Variants in EBF4 observed in about 807,000 individuals in gnomAD.
EBF4 encodes the protein transcription factor COE4.
EBF4 carries 34 observed loss-of-function variants against 67.1 expected under a neutral mutation model. That is an observed-to-expected ratio of 0.51 (90% CI 0.39 to 0.67). EBF4 has a LOEUF of 0.67. Among genes scored for constraint, EBF4 ranks in the 30% least tolerant of loss-of-function variants. EBF4 has a pLI of 0.00. For synonymous variants in EBF4, 387 were observed against 377.7 expected, an observed-to-expected ratio of 1.02 and a Z score of -0.29; for missense variants, 837 against 873.3, an observed-to-expected ratio of 0.96 and a Z score of 0.52.
At chr20:2,693,002 GCT>G (rs1568561946), upstream of EBF4, 7 of 378 alleles carry the variant, frequency 0.019, no homozygotes, top group African/African-American at 0.25. This position sits in a 1 kb window ranked among gnomAD's most constrained non-coding sequence, Gnocchi z 4.6. Context: ...CACGCGGGGC[GCT>G]GGCGCTGGCG....
Position 2,747,865 on chromosome 20 carries a change from G to A in EBF4, c.558-684G>A, listed in dbSNP as rs2146493188. 6.6e-6 allele frequency among the ~76,000 whole-genome samples: 1 copy of A among 152,330 alleles called. No homozygotes were observed. The highest frequency in any genetic ancestry group is 2.4e-5 in the African/African-American group (1 of 41,566). ...TCTGTGTCTGCTTAGTATGCCATATGTGTGGGATGAGTGCAGGCTATATGT... is the reference window on the plus strand; with the variant it reads ...TCTGTGTCTGCTTAGTATGCCATATATGTGGGATGAGTGCAGGCTATATGT... On this transcript the variant is annotated intron_variant, in intron 6 of 16. Transcript: ENST00000609451. The surrounding 1 kb of genome is among the most constrained non-coding windows in gnomAD (Gnocchi z 4.6).
intron 6 of EBF4, among the ~76,000 whole-genome samples, chr20:2,713,960 ATC>A (rs2087575555): frequency 6.6e-6 from 1 of 152,200 alleles, no homozygotes; most frequent in Admixed American, 6.5e-5. Flanking sequence ...TGGAATAATT[ATC>A]TGTCTATACT....
intron 6 of EBF4, among the ~76,000 whole-genome samples, chr20:2,715,295 T>C (rs887878039): frequency 2.6e-5 from 4 of 152,246 alleles, no homozygotes; most frequent in African/African-American, 9.6e-5. Context: ...AGCAACCTTC[T>C]GCAATGCTCT....
intron 15 of EBF4, among the ~76,000 whole-genome samples, chr20:2,757,499 A>T (rs2088263275): frequency 6.6e-6 from 1 of 152,164 alleles, no homozygotes; most frequent in Non-Finnish European, 1.5e-5. Context: ...ACCCATCCAG[A>T]GGGTAGCCCA....
chr20:2,751,547 G>C lies in EBF4; in HGVS notation c.1019-153G>C. On this transcript the variant is annotated intron_variant, in intron 10 of 16. Transcript: ENST00000609451. The surrounding 1 kb of genome is among the most constrained non-coding windows in gnomAD (Gnocchi z 5.2). ...CTGAATCTCGCTGCCGGGGGTGCCT[G>C]GAGTTTTCCGGGGGACTTGGGCTGG... 8 of 698,958 alleles carry C rather than the reference G, an allele frequency of 1.1e-5. No homozygotes were observed. The South Asian group carries it at 1.5e-4, about 13-fold the overall frequency. 43.3% of individuals were successfully genotyped at this position (698,958 alleles called of 1,614,324 possible). A position where few individuals can be genotyped will look rare whatever the true frequency, so the allele number is the denominator to read the frequency against.
chr20:2,695,199 A>G (rs1244509901), intron 1 of EBF4, among the ~76,000 whole-genome samples: 1 of 151,434 alleles, frequency 6.6e-6, no homozygotes, highest in Non-Finnish European at 1.5e-5. Context: ...CTGTGTGGCG[A>G]GAGCTCTTTG....
chr20:2,758,566 T>C (rs1016938454), intron 15 of EBF4, among the ~76,000 whole-genome samples: 8 of 152,180 alleles, frequency 5.3e-5, no homozygotes, highest in African/African-American at 9.7e-5. Context: ...TGTCAGTCAG[T>C]ATTCCTGGAG....
intron 16 of EBF4, 96 bp downstream of exon 16, chr20:2,759,080 C>G: frequency 1.7e-6 from 2 of 1,187,780 alleles, no homozygotes; most frequent in Non-Finnish European, 2.4e-6. Context: ...AGCCTCCCCG[C>G]TAGCAGCCCC....
intron 6 of EBF4, among the ~76,000 whole-genome samples, chr20:2,730,047 G>A (rs1488422553): frequency 6.6e-6 from 1 of 152,212 alleles, no homozygotes; most frequent in Non-Finnish European, 1.5e-5. Flanking sequence ...TATGGTGAGG[G>A]AATAACCACC....
At position 2,707,730 on chromosome 20, in the gene EBF4, C is replaced by CAGACTTCAT. The variant is rs1349851734; in HGVS notation, c.415-215_415-207dup. ...GCCACCTACAGACAGACAGAATCTG[C>CAGACTTCAT]AGACTTCATACCATTCTTGCCAGCC... is the stretch of plus-strand genomic sequence containing the variant. On this transcript the variant is annotated intron_variant, in intron 4 of 16. Coordinates refer to ENST00000609451, the Ensembl canonical transcript of EBF4. This position sits in a 1 kb window ranked among gnomAD's most constrained non-coding sequence, Gnocchi z 4.6. 6.6e-6 allele frequency among the ~76,000 whole-genome samples: 1 copy of CAGACTTCAT among 152,174 alleles called. No homozygotes were observed. Among genetic ancestry groups the CAGACTTCAT allele is most frequent in the African/African-American group, 2.4e-5 (1 of 41,446 alleles).
At chr20:2,704,150 C>T (rs1308615012) in intron 1 of EBF4, among the ~76,000 whole-genome samples, 1 of 152,108 alleles carries the variant, frequency 6.6e-6, no homozygotes, top group African/African-American at 2.4e-5. Context: ...ACAGGCCAAT[C>T]CCAACACAAT....
chr20:2,748,329 G>T (rs2088082868), intron 6 of EBF4, among the ~76,000 whole-genome samples: 2 of 152,228 alleles, frequency 1.3e-5, no homozygotes, highest in East Asian at 3.9e-4. Flanking sequence ...CACACGGTGT[G>T]TATGGTTGTA....
At chr20:2,714,578 C>T (rs543028307) in intron 6 of EBF4, among the ~76,000 whole-genome samples, 2 of 152,316 alleles carry the variant, frequency 1.3e-5, no homozygotes, top group Non-Finnish European at 2.9e-5. Flanking sequence ...TCTCGAGCTC[C>T]TGGGCTCCAG....
intron 6 of EBF4, among the ~76,000 whole-genome samples, chr20:2,734,224 A>G (rs1166065828): frequency 2.0e-5 from 3 of 152,144 alleles, no homozygotes; most frequent in Admixed American, 6.5e-5. Flanking sequence ...CCTGGGCAAC[A>G]TGGTGAAACC....
At chr20:2,726,580 C>CAAAAAA (rs10681053) in intron 6 of EBF4, among the ~76,000 whole-genome samples, 1 of 144,630 alleles carries the variant, frequency 6.9e-6, no homozygotes, top group African/African-American at 2.5e-5. Context: ...GACCCTGTCT[C>CAAAAAA]AAAAAAAAAA....
chr20:2,757,267 G>T (rs538923501), intron 15 of EBF4, among the ~76,000 whole-genome samples: 1 of 152,202 alleles, frequency 6.6e-6, no homozygotes, highest in African/African-American at 2.4e-5. Flanking sequence ...ATACATGTCC[G>T]CAGCGTCCCA....
chr20:2,730,742 A>G (rs2087802852), intron 6 of EBF4, among the ~76,000 whole-genome samples: 2 of 152,210 alleles, frequency 1.3e-5, no homozygotes, highest in Admixed American at 6.5e-5. Context: ...ACCCTCTGCA[A>G]AAACAGGACG....
rs2146493173 is a variant in EBF4 at position 2,747,858 on chromosome 20, G to A, written c.558-691G>A. Among the ~76,000 whole-genome samples, 1 of 152,294 alleles carries A rather than the reference G, an allele frequency of 6.6e-6. No homozygotes were observed. Among genetic ancestry groups the A allele is most frequent in the South Asian group, 2.1e-4 (1 of 4,830 alleles). On this transcript the variant is annotated intron_variant, in intron 6 of 16. Coordinates refer to ENST00000609451, the Ensembl canonical transcript of EBF4. The surrounding 1 kb of genome is among the most constrained non-coding windows in gnomAD (Gnocchi z 4.6). ...TACAGGCTCTGTGTCTGCTTAGTAT[G>A]CCATATGTGTGGGATGAGTGCAGGC...
rs573375767 is a variant in EBF4 at position 2,743,893 on chromosome 20, A to G, written c.558-4656A>G. Among the ~76,000 whole-genome samples, 4 of 152,230 alleles carry G rather than the reference A, an allele frequency of 2.6e-5. No homozygotes were observed. The South Asian group carries it at 8.3e-4, about 32-fold the overall frequency. On this transcript the variant is annotated intron_variant, in intron 6 of 16. Transcript: ENST00000609451. ...TATTTAGGGTGTCCATCACACAGGT[A>G]CAATACATTTTGGCTAAGTATAGTC...
Sources: allele counts gnomAD v4.1 joint callset (sites outside exome capture counted in the v4.1 genomes callset), GRCh38; gene constraint gnomAD v4.1.1; non-coding constraint Gnocchi (gnomAD v3.1); transcripts MANE v1.5; gene names NCBI Gene and HGNC (gene_info 2026-07-23, HGNC 2026-07-21).